The following ME1 variants were observed in gnomAD, a reference collection of about 807,000 sequenced individuals.
ME1 encodes the protein NADP-dependent malic enzyme.
Under a neutral mutation model 66.4 loss-of-function variants are expected in ME1, and 74 were observed. The ratio of observed to expected loss-of-function variants is 1.11; its 90% CI spans 0.92 to 1.35. The LOEUF (loss-of-function observed/expected upper bound fraction) is 1.35, where lower values mean the gene tolerates loss of function less well. ME1 is among the 40% of genes most tolerant of loss of function. The probability of loss-of-function intolerance (pLI) is 0.00; values close to 1 mark genes in which losing one functional copy is unlikely to be tolerated. For missense variants in ME1, 750 were observed against 694.1 expected (o/e 1.08, Z -0.90); for synonymous variants, 251 against 235.6 (o/e 1.07, Z -0.60).
chr6:83,420,880 G>GT (rs1165760550), intron 1 of ME1, among the ~76,000 whole-genome samples: 2 of 151,876 alleles, frequency 1.3e-5, no homozygotes, highest in East Asian at 3.9e-4. Context: ...TTGTTGTTGG[G>GT]TTTTTTTGTT....
In ME1 at chr6:83,346,486, T is replaced by C. The variant is rs118040819; in HGVS notation, c.439-152A>G. The C allele has an allele frequency of 7.6e-4, 391 of 512,746 alleles. 3 individuals are homozygous for C. In the East Asian group the frequency reaches 0.011, roughly 14 times the overall value. The allele number at this position is 512,746 out of a possible 1,614,324, so 31.8% of individuals were successfully genotyped here. A position where few individuals can be genotyped will look rare whatever the true frequency, so the allele number is the denominator to read the frequency against. ...ATGAAAAAGATTTTATAAATTGTAA[T>C]TGTGGAAGAATAGGGTGAAGAAATG... On this transcript the variant is annotated intron_variant, in intron 4 of 13. Transcript: ENST00000369705.
Position 83,240,336 on chromosome 6 carries a change from A to G in ME1, c.815-700T>C, listed in dbSNP as rs569714392. Among the ~76,000 whole-genome samples, 8 of 152,244 alleles carry G rather than the reference A, an allele frequency of 5.3e-5. No homozygotes were observed. In the South Asian group the frequency reaches 1.7e-3, roughly 32 times the overall value. ...ATCTAATTATATTGTATCATTTAAT[A>G]GACTTTTTACCTATGAAAATCACTG... On this transcript the variant is annotated intron_variant, in intron 7 of 13. Coordinates refer to ENST00000369705, the MANE Select transcript of ME1 (RefSeq NM_002395.6).
rs548508306 is a variant in ME1 at position 83,390,198 on chromosome 6, T to G, written c.362+8169A>C. Among the ~76,000 whole-genome samples the G allele has an allele frequency of 2.6e-5, 4 of 152,310 alleles. No homozygotes were observed. The South Asian group carries it at 8.3e-4, about 32-fold the overall frequency. ...GCATTAAGATACATACTTAAAAGTATGATCAAAAGATATATTTGTTTGTAA... is the reference window on the plus strand; with the variant it reads ...GCATTAAGATACATACTTAAAAGTAGGATCAAAAGATATATTTGTTTGTAA... On this transcript the variant is annotated intron_variant, in intron 3 of 13. Coordinates refer to ENST00000369705, the MANE Select transcript of ME1 (RefSeq NM_002395.6).
At chr6:83,320,562 T>C (rs1385426536) in intron 5 of ME1, among the ~76,000 whole-genome samples, 4 of 152,220 alleles carry the variant, frequency 2.6e-5, no homozygotes, top group Non-Finnish European at 5.9e-5. Context: ...AAACAATTAC[T>C]GGCAGGCTTC....
chr6:83,278,171 G>A (rs1767223945), intron 6 of ME1, among the ~76,000 whole-genome samples: 1 of 152,092 alleles, frequency 6.6e-6, no homozygotes. Context: ...GAGAATCATG[G>A]CTTTGAGTAG....
At chr6:83,272,649 C>T (rs889089814) in intron 6 of ME1, among the ~76,000 whole-genome samples, 1 of 152,056 alleles carries the variant, frequency 6.6e-6, no homozygotes, top group South Asian at 2.1e-4. Flanking sequence ...CTACTTACCC[C>T]CTAAGTCCAA....
At chr6:83,372,438 C>G (rs1440379564) in intron 3 of ME1, among the ~76,000 whole-genome samples, 1 of 152,138 alleles carries the variant, frequency 6.6e-6, no homozygotes, top group African/African-American at 2.4e-5. Flanking sequence ...TCTCTCTTTC[C>G]TAAATTTGAT....
At chr6:83,298,790 C>A (rs1391257238) in intron 6 of ME1, among the ~76,000 whole-genome samples, 1 of 151,896 alleles carries the variant, frequency 6.6e-6, no homozygotes, top group African/African-American at 2.4e-5. Flanking sequence ...ATATGGCTAG[C>A]CAGTTTTCCC....
chr6:83,224,704 T>A (rs367666029), intron 11 of ME1, among the ~76,000 whole-genome samples: 16 of 143,346 alleles, frequency 1.1e-4, no homozygotes, highest in African/African-American at 2.3e-4. Flanking sequence ...AAAATAAAAA[T>A]AATAATAATA....
At chr6:83,257,534 A>G (rs1766801542) in intron 6 of ME1, among the ~76,000 whole-genome samples, 1 of 152,166 alleles carries the variant, frequency 6.6e-6, no homozygotes, top group Admixed American at 6.6e-5. Flanking sequence ...CAACAATTTA[A>G]AAGTAAAATG....
At chr6:83,377,871 G>A (rs1290899064) in intron 3 of ME1, among the ~76,000 whole-genome samples, 3 of 151,944 alleles carry the variant, frequency 2.0e-5, no homozygotes, top group Non-Finnish European at 4.4e-5. Flanking sequence ...AATTGCTAGT[G>A]GATTCAAATA....
At chr6:83,408,921 C>T (rs76409103) in intron 1 of ME1, among the ~76,000 whole-genome samples, 4,239 of 152,144 alleles carry the variant, frequency 0.028, 202 homozygotes, top group African/African-American at 0.094. Context: ...ATTTGAGTCC[C>T]CCAAAATTCA....
At chr6:83,287,297 C>T (rs528846092) in intron 6 of ME1, among the ~76,000 whole-genome samples, 1 of 152,152 alleles carries the variant, frequency 6.6e-6, no homozygotes. Flanking sequence ...AATGTTATCC[C>T]TCCCCTAGCT....
At chr6:83,310,056 G>C (rs1417857897) in intron 6 of ME1, among the ~76,000 whole-genome samples, 1 of 152,148 alleles carries the variant, frequency 6.6e-6, no homozygotes, top group Non-Finnish European at 1.5e-5. Flanking sequence ...TACTCCACTA[G>C]AGATGCTAAT....
chr6:83,403,427 A>G (rs1282252688), intron 2 of ME1, among the ~76,000 whole-genome samples: 2 of 152,172 alleles, frequency 1.3e-5, no homozygotes, highest in Admixed American at 1.3e-4. Flanking sequence ...TAGACAGCAC[A>G]TTCTCGCTGC....
chr6:83,333,007 T>C (rs1768444127), intron 5 of ME1, among the ~76,000 whole-genome samples: 1 of 152,240 alleles, frequency 6.6e-6, no homozygotes, highest in African/African-American at 2.4e-5. Context: ...AGTTGAAAGC[T>C]GCAGAAGCTT....
At chr6:83,310,199 C>T (rs1378995155) in intron 6 of ME1, among the ~76,000 whole-genome samples, 2 of 152,138 alleles carry the variant, frequency 1.3e-5, no homozygotes, top group Admixed American at 6.6e-5. Flanking sequence ...CCACAGACCA[C>T]GACCTATGCT....
intron 11 of ME1, among the ~76,000 whole-genome samples, chr6:83,226,040 T>A (rs1161729428): frequency 2.6e-5 from 4 of 152,094 alleles, no homozygotes; most frequent in Non-Finnish European, 4.4e-5. Flanking sequence ...TATTGTAACT[T>A]AACCTTTCCT....
intron 5 of ME1, among the ~76,000 whole-genome samples, chr6:83,342,845 C>A (rs1768614762): frequency 1.3e-5 from 2 of 152,062 alleles, no homozygotes; most frequent in Non-Finnish European, 2.9e-5. Flanking sequence ...TGCCACCATG[C>A]CCAACTAATT....
Sources: allele counts gnomAD v4.1 joint callset (sites outside exome capture counted in the v4.1 genomes callset), GRCh38; gene constraint gnomAD v4.1.1; transcripts MANE v1.5; gene names NCBI Gene and HGNC (gene_info 2026-07-23, HGNC 2026-07-21).